Variants in PHC2 observed in about 807,000 individuals in gnomAD.
PHC2 encodes the protein polyhomeotic-like protein 2.
A neutral mutation model predicts 87.4 loss-of-function variants in PHC2; 29 were observed. The ratio of observed to expected loss-of-function variants is 0.33; its 90% confidence interval spans 0.25 to 0.45. The LOEUF (loss-of-function observed/expected upper bound fraction) is 0.45, where lower values mean the gene tolerates loss of function less well. Among genes scored for constraint, PHC2 ranks in the 20% least tolerant of loss-of-function variants. PHC2 has a pLI of 1.00. For synonymous variants in PHC2, 438 were observed against 461.7 expected (o/e 0.95, Z 0.66); for missense variants, 857 against 1,136.7 (o/e 0.75, Z 3.54).
rs76252500 is a variant in PHC2, at chr1:33,343,126, C to T, written c.1559-8834G>A. Reference sequence around the variant, plus strand: ...TGTAAAATGCCTGGCACTGAATACACGCAGAAGCTGTGCTACATGGCAGTT... The same window carrying T: ...TGTAAAATGCCTGGCACTGAATACATGCAGAAGCTGTGCTACATGGCAGTT... On this transcript the variant is annotated intron_variant, in intron 9 of 14. Coordinates refer to ENST00000683057, the MANE Select transcript of PHC2 (RefSeq NM_001385109.1). Among the ~76,000 whole-genome samples the T allele has an allele frequency of 7.5e-4, 114 of 152,246 alleles. No homozygotes were observed. In the East Asian group the frequency reaches 0.02, roughly 27 times the overall value.
chr1:33,391,239 G>A (rs1285230301), intron 1 of PHC2, among the ~76,000 whole-genome samples: 1 of 152,204 alleles, frequency 6.6e-6, no homozygotes, highest in East Asian at 1.9e-4. Flanking sequence ...CTGTCTTGGA[G>A]AATGGTGGGG....
rs77799751 is a variant in PHC2 at position 33,415,686 on chromosome 1, C to T, written c.-55+15290G>A. Among the ~76,000 whole-genome samples the T allele has an allele frequency of 5.0e-3, 757 of 152,168 alleles. 9 individuals are homozygous for T. Among genetic ancestry groups the T allele is most frequent in the African/African-American group, 0.017 (710 of 41,510 alleles). Reference sequence around the variant, plus strand: ...AGAAGAAAAAATAAATAAGTAAAAACGTATTCAGAAATGACATGGATGAAA... The same window carrying T: ...AGAAGAAAAAATAAATAAGTAAAAATGTATTCAGAAATGACATGGATGAAA... On this transcript the variant is annotated intron_variant, in intron 1 of 14. Transcript: ENST00000683057.
chr1:33,426,831 G>A (rs533922274), intron 1 of PHC2, among the ~76,000 whole-genome samples: 16 of 151,954 alleles, frequency 1.1e-4, no homozygotes, highest in Admixed American at 5.2e-4. Flanking sequence ...ACCCTCAGGA[G>A]GTAGTACAGA....
At chr1:33,333,970 G>A in intron 10 of PHC2, 120 bp downstream of exon 10, 1 of 859,698 alleles carries the variant, frequency 1.2e-6, no homozygotes, top group Non-Finnish European at 1.8e-6. Flanking sequence ...GGGGGAGGAA[G>A]TTAGCAAGGA....
At chr1:33,335,203 C>G (rs938952855) in intron 9 of PHC2, 13 of 985,314 alleles carry the variant, frequency 1.3e-5, no homozygotes, top group African/African-American at 1.7e-5. Context: ...TCCTCTCTTC[C>G]ACTTCAAACA....
intron 1 of PHC2, among the ~76,000 whole-genome samples, chr1:33,402,645 AAC>A (rs1169936608): frequency 6.6e-6 from 1 of 152,216 alleles, no homozygotes; most frequent in Non-Finnish European, 1.5e-5. Flanking sequence ...CTCAGGTATC[AAC>A]ACAGACAAAT....
rs1001084085 is a variant in PHC2, at chr1:33,354,422, T to C, written c.1537A>G (p.Ile513Val). Reference protein sequence around the residue: ...GGLPVPTSPNIQPSPAHETGQ... With the variant: ...GGLPVPTSPNVQPSPAHETGQ... ...ATACCGTGAGCTGGGGACGGCTGGA[T>C]GTTAGGGCTCGTGGGTACAGGCAGG... The change falls in exon 9 of 15, where the codon ATC becomes GTC. Residue 513 changes from isoleucine (I) to valine (V), a missense_variant. Coordinates refer to ENST00000683057, the MANE Select transcript of PHC2 (RefSeq NM_001385109.1). 2.5e-6 allele frequency: 4 copies of C among 1,613,264 alleles called. No homozygotes were observed. Among genetic ancestry groups the C allele is most frequent in the Non-Finnish European group, 3.4e-6 (4 of 1,179,786 alleles).
At position 33,332,519 on chromosome 1, in the gene PHC2, C is replaced by T. The variant is rs1646524594; in HGVS notation, c.1762-115G>A. 8.1e-7 allele frequency: 1 copy of T among 1,235,592 alleles called. No individual in the cohort carries two copies. The highest frequency in any genetic ancestry group is 1.2e-6 in the Non-Finnish European group (1 of 862,220). The allele number at this position is 1,235,592 out of a possible 1,614,324, so 76.5% of individuals were successfully genotyped here. The stretch of plus-strand genomic sequence containing the variant: ...TCCAGGCACAGAGGCCAGCCCTCCT[C>T]AAACCTTCCCCCATGTCATCATCCA... On this transcript the variant is annotated intron_variant, in intron 10 of 14. Transcript: ENST00000683057. The surrounding 1 kb of genome is among the most constrained non-coding windows in gnomAD (Gnocchi z 4.2).
chr1:33,359,196 T>A (rs1647149543), intron 7 of PHC2: 1 of 125,266 alleles, frequency 8.0e-6, no homozygotes, highest in Admixed American at 7.2e-5. Flanking sequence ...GCTCAATCAA[T>A]ATTGCTGAAT....
chr1:33,411,068 C>T (rs182030279), intron 1 of PHC2, among the ~76,000 whole-genome samples: 129 of 152,124 alleles, frequency 8.5e-4, no homozygotes, highest in Admixed American at 1.2e-3. Flanking sequence ...AATTACATTT[C>T]GATAATTATA....
intron 9 of PHC2, among the ~76,000 whole-genome samples, chr1:33,340,319 C>G (rs922947365): frequency 6.6e-6 from 1 of 152,190 alleles, no homozygotes; most frequent in African/African-American, 2.4e-5. Flanking sequence ...ACTCTCCAAG[C>G]CCCCAGCACT....
At chr1:33,427,756 C>T (rs990418761) in intron 1 of PHC2, among the ~76,000 whole-genome samples, 6 of 152,332 alleles carry the variant, frequency 3.9e-5, no homozygotes, top group Admixed American at 2.6e-4. Context: ...TGGTTAATAG[C>T]GTGTCTAACT....
In PHC2 at chr1:33,354,499, C is replaced by T. The variant is rs370173676; in HGVS notation, c.1460G>A (p.Arg487Gln). The change falls in exon 9 of 15, where the codon CGG (arginine) becomes CAG (glutamine). Residue 487 changes from arginine (R) to glutamine (Q), a missense_variant. Coordinates refer to ENST00000683057, the MANE Select transcript of PHC2 (RefSeq NM_001385109.1). Reference protein sequence around the residue: ...APGEKSVPETRSGPSPHQQAI... With the variant: ...APGEKSVPETQSGPSPHQQAI... ...CTGCTGATGTGGTGATGGGCCAGACCGCGTCTCAGGCACACTTTTCTCCCC... is the reference window on the plus strand; with the variant it reads ...CTGCTGATGTGGTGATGGGCCAGACTGCGTCTCAGGCACACTTTTCTCCCC... 3.7e-6 allele frequency: 6 copies of T among 1,613,960 alleles called. No individual in the cohort carries two copies. Among genetic ancestry groups the T allele is most frequent in the South Asian group, 3.3e-5 (3 of 91,090 alleles).
intron 9 of PHC2, among the ~76,000 whole-genome samples, chr1:33,338,388 G>A (rs554924220): frequency 1.1e-3 from 174 of 152,352 alleles, no homozygotes; most frequent in Non-Finnish European, 2.0e-3. Flanking sequence ...CAGATCAAAG[G>A]AGAGACAGAA....
At chr1:33,420,310 GA>G (rs758953391) in intron 1 of PHC2, among the ~76,000 whole-genome samples, 14 of 152,166 alleles carry the variant, frequency 9.2e-5, no homozygotes, top group Non-Finnish European at 2.1e-4. Context: ...ATACAATTAT[GA>G]AACTGATCAC....
intron 1 of PHC2, among the ~76,000 whole-genome samples, chr1:33,389,952 T>C (rs1648966606): frequency 6.6e-6 from 1 of 152,196 alleles, no homozygotes; most frequent in South Asian, 2.1e-4. Context: ...TTTTATCATA[T>C]TTATGAAACG....
intron 7 of PHC2, chr1:33,363,604 C>T (rs752520369): frequency 7.7e-4 from 164 of 213,694 alleles, no homozygotes; most frequent in African/African-American, 1.3e-3. Context: ...AGACCTGAGG[C>T]GGGCTGAGGA....
chr1:33,345,446 G>A (rs543367291), intron 9 of PHC2: 48 of 579,128 alleles, frequency 8.3e-5, no homozygotes, highest in Middle Eastern at 8.7e-4. Context: ...TTTGGAAATT[G>A]GAAGAACAGG....
chr1:33,362,548 G>C (rs1181079782), intron 7 of PHC2, among the ~76,000 whole-genome samples: 2 of 152,198 alleles, frequency 1.3e-5, no homozygotes, highest in Non-Finnish European at 2.9e-5. Flanking sequence ...GTGGATGTCT[G>C]AAAGGTATGA....
Sources: gnomAD v4.1 joint callset for allele counts (sites outside exome capture counted in the v4.1 genomes callset) on GRCh38, gnomAD v4.1.1 for gene constraint, Gnocchi (gnomAD v3.1) non-coding constraint, MANE v1.5 for transcripts, NCBI Gene and HGNC (gene_info 2026-07-23, HGNC 2026-07-21) for gene names.